ADCY8: variants seen among roughly 807,000 people sequenced by gnomAD.
ADCY8 encodes the protein adenylate cyclase 8, also known as adenylate cyclase type 8.
A neutral mutation model predicts 119.7 loss-of-function variants in ADCY8; 51 were observed. The observed-to-expected ratio is 0.43, with a 90% confidence interval of 0.34 to 0.54. ADCY8 has a LOEUF of 0.54. Among genes scored for constraint, ADCY8 ranks in the 20% least tolerant of loss-of-function variants. ADCY8 has a pLI of 0.03. For synonymous variants in ADCY8, 665 were observed against 651.0 expected (o/e 1.02, Z -0.33); for missense variants, 1,383 against 1,598.8 (o/e 0.87, Z 2.30).
At chr8:130,841,735 C>T (rs774162099) in intron 11 of ADCY8, among the ~76,000 whole-genome samples, 2 of 152,210 alleles carry the variant, frequency 1.3e-5, no homozygotes, top group African/African-American at 2.4e-5. Context: ...AATCCCATAA[C>T]ATCATGAACT....
rs778110854 is a variant in ADCY8, at chr8:130,951,854, G to A, written c.1241+14C>T. 1.9e-6 allele frequency: 3 copies of A among 1,613,778 alleles called. No individual in the cohort carries two copies. The highest frequency in any genetic ancestry group is 2.5e-6 in the Non-Finnish European group (3 of 1,179,814). On this transcript the variant is annotated intron_variant, in intron 3 of 17. Transcript: ENST00000286355. ...ATCATGCAAGAGCCGGGGCAAGGGT[G>A]TTGTGTTTCTCACCTGACGTTCTCA...
At position 131,040,416 on chromosome 8, in the gene ADCY8, G is replaced by C; in HGVS notation, c.-83C>G. On this transcript the variant is annotated 5_prime_UTR_variant, in exon 1 of 18. Coordinates refer to ENST00000286355, the MANE Select transcript of ADCY8 (RefSeq NM_001115.3). ...TTCCTAAAGACTCAAAGGCGGCCTG[G>C]TAGGAGCTTGGCAAGGATCCTTTTT... 3 of 1,390,588 alleles carry C rather than the reference G, an allele frequency of 2.2e-6. No individual in the cohort carries two copies. The highest frequency in any genetic ancestry group is 2.8e-6 in the Non-Finnish European group (3 of 1,076,318). 86.1% of individuals were successfully genotyped at this position (1,390,588 alleles called of 1,614,324 possible).
chr8:130,901,638 G>A (rs1819607290), intron 7 of ADCY8, among the ~76,000 whole-genome samples: 1 of 152,164 alleles, frequency 6.6e-6, no homozygotes, highest in Non-Finnish European at 1.5e-5. Flanking sequence ...GACTTCTAGA[G>A]TTAGGCATAA....
chr8:130,965,977 C>T (rs1400899151), intron 2 of ADCY8, among the ~76,000 whole-genome samples: 1 of 152,164 alleles, frequency 6.6e-6, no homozygotes, highest in East Asian at 1.9e-4. Flanking sequence ...CAGAACCCAA[C>T]ACAAGCTTAG....
At chr8:130,989,575 C>G (rs911883210) in intron 2 of ADCY8, among the ~76,000 whole-genome samples, 3 of 152,016 alleles carry the variant, frequency 2.0e-5, no homozygotes, top group African/African-American at 7.2e-5. Context: ...TTTCCAAGAG[C>G]ATATATACTT....
At chr8:130,935,473 G>A (rs1008967199) in intron 5 of ADCY8, 1 of 152,150 alleles carries the variant, frequency 6.6e-6, no homozygotes. Context: ...AAATTTTGAC[G>A]TTAAGACACC....
chr8:131,012,563 A>T (rs1170691914), intron 1 of ADCY8, among the ~76,000 whole-genome samples: 1 of 152,212 alleles, frequency 6.6e-6, no homozygotes, highest in Admixed American at 6.5e-5. Flanking sequence ...GTGATGAGCC[A>T]TCGGGTCTCC....
intron 11 of ADCY8, among the ~76,000 whole-genome samples, chr8:130,846,939 C>CTCCT (rs1015727852): frequency 1.3e-4 from 16 of 119,486 alleles, no homozygotes; most frequent in African/African-American, 5.2e-4. Context: ...TTCCTTCCTT[C>CTCCT]TCCTTCCTTC....
intron 11 of ADCY8, among the ~76,000 whole-genome samples, chr8:130,838,895 G>C (rs1010773915): frequency 1.4e-5 from 2 of 140,648 alleles, no homozygotes; most frequent in African/African-American, 4.9e-5. Flanking sequence ...AATGCAATGT[G>C]GGTACAGAGG....
chr8:130,890,886 T>C (rs1819162082), intron 7 of ADCY8, among the ~76,000 whole-genome samples: 1 of 152,168 alleles, frequency 6.6e-6, no homozygotes, highest in African/African-American at 2.4e-5. Context: ...GTGGTAGTCT[T>C]TAGATTTAGC....
At chr8:130,958,555 C>T (rs4736728) in intron 2 of ADCY8, among the ~76,000 whole-genome samples, 149,765 of 152,326 alleles carry the variant, frequency 0.98, 73,635 homozygotes, top group African/African-American at 1. Flanking sequence ...CTCACAATCA[C>T]GGCAGAAGAC....
At chr8:131,009,992 C>T (rs970309852) in intron 1 of ADCY8, among the ~76,000 whole-genome samples, 5 of 152,122 alleles carry the variant, frequency 3.3e-5, no homozygotes, top group African/African-American at 1.2e-4. Context: ...CATTATAGTG[C>T]CATTATCTCC....
chr8:130,998,201 A>G (rs934917725), intron 1 of ADCY8, among the ~76,000 whole-genome samples: 3 of 152,170 alleles, frequency 2.0e-5, no homozygotes, highest in African/African-American at 4.8e-5. Flanking sequence ...GATAAATGCC[A>G]TAAATAATAA....
intron 8 of ADCY8, among the ~76,000 whole-genome samples, chr8:130,870,901 T>C (rs1818330598): frequency 6.6e-6 from 1 of 152,204 alleles, no homozygotes; most frequent in Admixed American, 6.5e-5. Context: ...TTCTTATCTG[T>C]CAAATGGGAA....
At chr8:130,885,995 C>T (rs13257796) in intron 7 of ADCY8, among the ~76,000 whole-genome samples, 49,827 of 151,726 alleles carry the variant, frequency 0.33, 9,181 homozygotes, top group East Asian at 0.6. Context: ...GCTCATTTGC[C>T]GCCAAGCCAG....
intron 5 of ADCY8, among the ~76,000 whole-genome samples, chr8:130,924,957 C>A (rs1820417306): frequency 6.6e-6 from 1 of 151,738 alleles, no homozygotes; most frequent in Non-Finnish European, 1.5e-5. Context: ...ACCTGTAATC[C>A]CAGCACTTTG....
Position 130,825,611 on chromosome 8 carries a change from G to T in ADCY8, c.2676-4191C>A, listed in dbSNP as rs571369186. ...CTGGAAAAGTTCCTGTTTTAAGGCTGGGCCTAGAGAAGATCAGTTCTGCTT... is the reference window on the plus strand; with the variant it reads ...CTGGAAAAGTTCCTGTTTTAAGGCTTGGCCTAGAGAAGATCAGTTCTGCTT... On this transcript the variant is annotated intron_variant, in intron 12 of 17. Coordinates refer to ENST00000286355, the MANE Select transcript of ADCY8 (RefSeq NM_001115.3). Among the ~76,000 whole-genome samples the T allele has an allele frequency of 7.2e-5, 11 of 152,290 alleles. No homozygotes were observed. The Middle Eastern group carries it at 0.01, about 141-fold the overall frequency.
chr8:130,795,364 A>T (rs1288757440), intron 15 of ADCY8, among the ~76,000 whole-genome samples: 1 of 152,216 alleles, frequency 6.6e-6, no homozygotes, highest in East Asian at 1.9e-4. Flanking sequence ...CCTTTTTCAA[A>T]AATTAAGACA....
intron 14 of ADCY8, among the ~76,000 whole-genome samples, chr8:130,803,569 T>C (rs1037501943): frequency 6.6e-6 from 1 of 152,232 alleles, no homozygotes; most frequent in African/African-American, 2.4e-5. Flanking sequence ...CTGACCTTCG[T>C]AGGAAACATG....
Sources: gnomAD v4.1 joint callset for allele counts (sites outside exome capture counted in the v4.1 genomes callset) on GRCh38, gnomAD v4.1.1 for gene constraint, MANE v1.5 for transcripts, NCBI Gene and HGNC (gene_info 2026-07-23, HGNC 2026-07-21) for gene names.